The following IRAG2 variants were observed in gnomAD, a reference collection of about 807,000 sequenced individuals.
IRAG2 encodes lymphoid restricted membrane protein.
A neutral mutation model predicts 69.9 loss-of-function variants in IRAG2; 45 were observed. The ratio of observed to expected loss-of-function variants is 0.64; its 90% confidence interval spans 0.51 to 0.83. IRAG2 has a LOEUF of 0.83. Among genes scored for constraint, IRAG2 ranks in the 40% least tolerant of loss-of-function variants. IRAG2 has a pLI of 0.00. For missense variants in IRAG2, 520 were observed against 587.0 expected (o/e 0.89, Z 1.18); for synonymous variants, 193 against 202.4 (o/e 0.95, Z 0.40).
At chr12:25,022,564 G>A (rs998658402) in intron 7 of IRAG2, among the ~76,000 whole-genome samples, 18 of 152,144 alleles carry the variant, frequency 1.2e-4, no homozygotes, top group Non-Finnish European at 2.1e-4. Context: ...ATTTTGTAGT[G>A]TTTTATAATT....
intron 16 of IRAG2, among the ~76,000 whole-genome samples, chr12:25,045,416 T>C (rs1381795777): frequency 6.6e-6 from 1 of 151,972 alleles, no homozygotes; most frequent in Non-Finnish European, 1.5e-5. Flanking sequence ...CAAAAAGTTG[T>C]TTAAAATAGA....
intron 3 of IRAG2, among the ~76,000 whole-genome samples, chr12:25,012,291 A>G (rs1944482704): frequency 6.6e-6 from 1 of 151,654 alleles, no homozygotes; most frequent in South Asian, 2.1e-4. Flanking sequence ...AGTAGCTGGA[A>G]TCACAGGTGT....
At chr12:25,051,884 C>A (rs779573246), upstream of IRAG2, among the ~76,000 whole-genome samples, 8 of 152,154 alleles carry the variant, frequency 5.3e-5, no homozygotes, top group Non-Finnish European at 1.0e-4. Context: ...AAATGTTGCA[C>A]CTGTCACCCT....
At chr12:25,015,179 C>G (rs1213573738) in intron 3 of IRAG2, 2 of 917,308 alleles carry the variant, frequency 2.2e-6, no homozygotes, top group East Asian at 5.5e-5. Flanking sequence ...TTTTTGGCTA[C>G]AGGGAAGGAG....
intron 13 of IRAG2, among the ~76,000 whole-genome samples, chr12:25,034,791 G>T (rs909902363): frequency 3.9e-5 from 6 of 152,222 alleles, no homozygotes; most frequent in Non-Finnish European, 8.8e-5. Flanking sequence ...TATTTGAATT[G>T]CTTCTGCCAA....
At chr12:25,071,152 C>G (rs860877) in intron 6 of IRAG2, among the ~76,000 whole-genome samples, 62,690 of 151,752 alleles carry the variant, frequency 0.41, 13,175 homozygotes, top group South Asian at 0.52. Flanking sequence ...GTCAGGAGCT[C>G]AAGAACAACC....
At chr12:25,010,928 T>G (rs34764624) in intron 2 of IRAG2, among the ~76,000 whole-genome samples, 7,911 of 152,314 alleles carry the variant, frequency 0.052, 268 homozygotes, top group East Asian at 0.086. Context: ...AATTTTCACT[T>G]GAGATTGAAA....
intron 5 of IRAG2, among the ~76,000 whole-genome samples, chr12:25,068,639 C>T (rs1019584025): frequency 1.3e-5 from 2 of 152,080 alleles, no homozygotes; most frequent in South Asian, 2.1e-4. Context: ...AGAGATACCG[C>T]GTTAGAACAG....
chr12:25,036,630 C>T (rs534434471), exon 15 of IRAG2: 78 of 398,836 alleles, frequency 2.0e-4, no homozygotes, highest in African/African-American at 1.1e-3. Flanking sequence ...AAACTCTCGA[C>T]GGTGGGTAAC....
intron 20 of IRAG2, among the ~76,000 whole-genome samples, chr12:25,106,301 G>GTATA (rs1453485477): frequency 6.7e-6 from 1 of 148,306 alleles, no homozygotes; most frequent in Non-Finnish European, 1.5e-5. Flanking sequence ...GCACACACAG[G>GTATA]TATATGTACA....
chr12:25,062,928 AG>A, intron 3 of IRAG2, 28 bp downstream of exon 3: 1 of 398,996 alleles, frequency 2.5e-6, no homozygotes, highest in East Asian at 3.6e-5. Context: ...GAAATTATTT[AG>A]GTAGTAATTG....
intron 3 of IRAG2, among the ~76,000 whole-genome samples, chr12:25,013,723 TCAAA>T (rs1944495768): frequency 6.6e-6 from 1 of 151,634 alleles, no homozygotes; most frequent in Non-Finnish European, 1.5e-5. Context: ...TGTAATTACT[TCAAA>T]TAAATAGGTC....
intron 15 of IRAG2, 63 bp from the exon 16 acceptor site, chr12:25,101,115 T>G (rs1948729117): frequency 7.0e-7 from 1 of 1,421,036 alleles, no homozygotes; most frequent in Non-Finnish European, 9.6e-7. Flanking sequence ...ATGTGTTTAA[T>G]CACCATCTTT....
In IRAG2 at chr12:25,040,589, T is replaced by C. The variant is rs149413052; in HGVS notation, c.2144+2452T>C. ...TTTGTGAGGATGAGAGAGAATTCTGTTTAGATGAGGTAGGAAATGTTTATT... is the reference window on the plus strand; with the variant it reads ...TTTGTGAGGATGAGAGAGAATTCTGCTTAGATGAGGTAGGAAATGTTTATT... On this transcript the variant is annotated intron_variant, in intron 16 of 38. Coordinates refer to the IRAG2 transcript ENST00000636465. Among the ~76,000 whole-genome samples the C allele has an allele frequency of 7.7e-3, 1,166 of 152,054 alleles. 5 individuals carry two copies. Among genetic ancestry groups the C allele is most frequent in the Middle Eastern group, 0.02 (6 of 294 alleles).
At chr12:25,013,321 T>A (rs115320999) in intron 3 of IRAG2, among the ~76,000 whole-genome samples, 4,026 of 152,044 alleles carry the variant, frequency 0.026, 179 homozygotes, top group African/African-American at 0.091. Context: ...TACAAAAAAA[T>A]TTTAAAATTA....
intron 6 of IRAG2, chr12:25,020,660 C>G (rs1421296390): frequency 1.5e-5 from 6 of 400,656 alleles, no homozygotes; most frequent in Non-Finnish European, 1.7e-5. Flanking sequence ...TATATTTTTA[C>G]TATGCGGGCA....
intron 10 of IRAG2, among the ~76,000 whole-genome samples, chr12:25,086,093 TATAGAC>T (rs1295450209): frequency 1.3e-5 from 2 of 152,124 alleles, no homozygotes; most frequent in African/African-American, 4.8e-5. Flanking sequence ...TCAAAAAAAA[TATAGAC>T]ATAAAGACAC....
intron 13 of IRAG2, among the ~76,000 whole-genome samples, chr12:25,035,259 A>G (rs1327597493): frequency 5.3e-5 from 8 of 152,208 alleles, no homozygotes; most frequent in South Asian, 2.1e-4. Flanking sequence ...GTGAAACATC[A>G]TATGGTCTTT....
chr12:25,076,115 A>G (rs956080798), intron 6 of IRAG2, among the ~76,000 whole-genome samples: 5 of 152,206 alleles, frequency 3.3e-5, no homozygotes, highest in Admixed American at 2.6e-4. Context: ...TAGTCTCACA[A>G]GAAGAAAAAA....
Sources: gnomAD v4.1 joint callset for allele counts (sites outside exome capture counted in the v4.1 genomes callset) on GRCh38, gnomAD v4.1.1 for gene constraint, MANE v1.5 for transcripts, NCBI Gene and HGNC (gene_info 2026-07-23, HGNC 2026-07-21) for gene names.